The following SGCZ variants were observed in gnomAD, a reference collection of about 807,000 sequenced individuals.
SGCZ encodes sarcoglycan zeta.
Under a neutral mutation model 41.3 loss-of-function variants are expected in SGCZ, and 40 were observed. The ratio of observed to expected loss-of-function variants is 0.97; its 90% CI spans 0.75 to 1.26. SGCZ has a LOEUF of 1.26. SGCZ is among the 50% of genes most tolerant of loss of function. SGCZ has a pLI of 0.00. For missense variants in SGCZ, 552 were observed against 369.8 expected, an observed-to-expected ratio of 1.49 and a Z score of -4.04; for synonymous variants, 206 against 137.5, an observed-to-expected ratio of 1.50 and a Z score of -3.49.
intron 4 of SGCZ, among the ~76,000 whole-genome samples, chr8:14,194,611 G>T (rs1805207257): frequency 6.6e-6 from 1 of 151,852 alleles, no homozygotes; most frequent in Non-Finnish European, 1.5e-5. Flanking sequence ...ACATTTTTCT[G>T]CTTCTGGCCA....
Position 14,598,158 on chromosome 8 carries a change from G to A in SGCZ, c.40-43232C>T, listed in dbSNP as rs375550682. On this transcript the variant is annotated intron_variant, in intron 1 of 7. Transcript: ENST00000382080. Reference sequence around the variant, plus strand: ...TTCTTTACACTTGGAAGAAGGTTGAGAATTATCATTTTTAATGTTTTGGTA... The same window carrying A: ...TTCTTTACACTTGGAAGAAGGTTGAAAATTATCATTTTTAATGTTTTGGTA... 5.9e-5 allele frequency among the ~76,000 whole-genome samples: 9 copies of A among 152,108 alleles called. No homozygotes were observed. In the East Asian group the frequency reaches 1.7e-3, roughly 29 times the overall value.
At chr8:14,344,893 A>G (rs919292527) in intron 2 of SGCZ, among the ~76,000 whole-genome samples, 5 of 152,080 alleles carry the variant, frequency 3.3e-5, no homozygotes, top group Admixed American at 6.6e-5. Flanking sequence ...GAGAATTTCT[A>G]CATTGCAGAG....
At chr8:14,680,834 C>G (rs1339710237) in intron 1 of SGCZ, among the ~76,000 whole-genome samples, 2 of 151,716 alleles carry the variant, frequency 1.3e-5, no homozygotes, top group Non-Finnish European at 2.9e-5. Context: ...GATGAAAATA[C>G]AGTGTCTTAG....
At chr8:14,147,242 T>C (rs2116941093) in intron 5 of SGCZ, among the ~76,000 whole-genome samples, 1 of 152,066 alleles carries the variant, frequency 6.6e-6, no homozygotes, top group Middle Eastern at 3.4e-3. Flanking sequence ...GAAAATGGAC[T>C]AAATTATCCA....
intron 1 of SGCZ, among the ~76,000 whole-genome samples, chr8:15,064,953 T>G (rs1255122016): frequency 6.6e-6 from 1 of 152,292 alleles, no homozygotes; most frequent in Non-Finnish European, 1.5e-5. Context: ...TACACCATCT[T>G]CATTTTTTCC....
At chr8:15,205,654 A>C (rs1439373752) in intron 1 of SGCZ, among the ~76,000 whole-genome samples, 1 of 152,158 alleles carries the variant, frequency 6.6e-6, no homozygotes, top group African/African-American at 2.4e-5. Context: ...ACACTGATAC[A>C]CTGTTGGTGG....
Position 14,276,945 on chromosome 8 carries a change from C to T in SGCZ, c.337-39266G>A, listed in dbSNP as rs534265439. Among the ~76,000 whole-genome samples the T allele has an allele frequency of 4.6e-5, 7 of 152,220 alleles. No individual in the cohort carries two copies. In the South Asian group the frequency reaches 1.2e-3, roughly 27 times the overall value. The stretch of plus-strand genomic sequence containing the variant: ...GGAAACCCCTAGAGAATATTTAAAC[C>T]CCCACAAATTATGTAACGGGGCCTT... On this transcript the variant is annotated intron_variant, in intron 3 of 7. Transcript: ENST00000382080.
chr8:14,226,845 T>A (rs1220196832), intron 4 of SGCZ, among the ~76,000 whole-genome samples: 1 of 152,112 alleles, frequency 6.6e-6, no homozygotes, highest in African/African-American at 2.4e-5. Flanking sequence ...TCCAGTAGCT[T>A]TGTATCCAAT....
chr8:14,186,309 G>C (rs185234217), intron 4 of SGCZ, among the ~76,000 whole-genome samples: 1 of 152,228 alleles, frequency 6.6e-6, no homozygotes, highest in African/African-American at 2.4e-5. Flanking sequence ...GAAGCAGAGA[G>C]AGACTGTATC....
At chr8:14,643,990 A>C (rs1807117923) in intron 1 of SGCZ, among the ~76,000 whole-genome samples, 1 of 148,836 alleles carries the variant, frequency 6.7e-6, no homozygotes, top group African/African-American at 2.4e-5. Context: ...TACAATTCTT[A>C]AAAATATATT....
At chr8:15,060,684 A>C (rs80085460) in intron 1 of SGCZ, among the ~76,000 whole-genome samples, 1 of 151,968 alleles carries the variant, frequency 6.6e-6, no homozygotes, top group Non-Finnish European at 1.5e-5. Flanking sequence ...AAAAAAAAAA[A>C]AAAGTCTCCC....
intron 1 of SGCZ, among the ~76,000 whole-genome samples, chr8:14,771,274 G>C (rs947969825): frequency 6.6e-6 from 1 of 152,028 alleles, no homozygotes; most frequent in African/African-American, 2.4e-5. Flanking sequence ...AGAGGAGAGA[G>C]GGAAAGAAAT....
At chr8:14,147,058 G>A (rs1163813292) in intron 5 of SGCZ, among the ~76,000 whole-genome samples, 2 of 151,546 alleles carry the variant, frequency 1.3e-5, no homozygotes, top group Admixed American at 6.6e-5. Context: ...TTAAAATAAT[G>A]GGTTATAAAA....
chr8:14,382,315 T>C (rs1158469370), intron 2 of SGCZ, among the ~76,000 whole-genome samples: 4 of 152,106 alleles, frequency 2.6e-5, no homozygotes, highest in Admixed American at 2.6e-4. Flanking sequence ...GCACCAGTAT[T>C]GATTGTTTGC....
At chr8:15,009,166 C>T (rs1162581332) in intron 1 of SGCZ, among the ~76,000 whole-genome samples, 3 of 152,176 alleles carry the variant, frequency 2.0e-5, no homozygotes, top group Non-Finnish European at 2.9e-5. Context: ...TTAGCTCATG[C>T]TTACACAGAC....
intron 1 of SGCZ, among the ~76,000 whole-genome samples, chr8:14,696,333 G>A (rs1342860225): frequency 6.6e-6 from 1 of 152,022 alleles, no homozygotes; most frequent in Admixed American, 6.6e-5. Context: ...TACACTGAAC[G>A]CAAAGATTCT....
At chr8:14,192,236 T>A (rs979345182) in intron 4 of SGCZ, among the ~76,000 whole-genome samples, 11 of 152,020 alleles carry the variant, frequency 7.2e-5, no homozygotes, top group African/African-American at 2.7e-4. Flanking sequence ...ATTATTATGC[T>A]TACCAAATTT....
chr8:14,437,098 T>C (rs1439437456), intron 2 of SGCZ, among the ~76,000 whole-genome samples: 1 of 152,186 alleles, frequency 6.6e-6, no homozygotes, highest in African/African-American at 2.4e-5. Context: ...TTTTATATTA[T>C]AAAATAGAAT....
chr8:14,800,608 G>A (rs946189864), intron 1 of SGCZ, among the ~76,000 whole-genome samples: 1 of 152,174 alleles, frequency 6.6e-6, no homozygotes, highest in South Asian at 2.1e-4. Flanking sequence ...AGGAGATCTG[G>A]TTCTTTGAAA....
Sources: gnomAD v4.1 joint callset for allele counts (sites outside exome capture counted in the v4.1 genomes callset) on GRCh38, gnomAD v4.1.1 for gene constraint, MANE v1.5 for transcripts, NCBI Gene and HGNC (gene_info 2026-07-23, HGNC 2026-07-21) for gene names.